Variants in SHISA9 observed in about 807,000 individuals in gnomAD.
SHISA9 encodes shisa family member 9, also known as protein shisa-9.
Under a neutral mutation model 38.0 loss-of-function variants are expected in SHISA9, and 13 were observed. The ratio of observed to expected loss-of-function variants is 0.34; its 90% confidence interval spans 0.22 to 0.54. The LOEUF (loss-of-function observed/expected upper bound fraction) is 0.54, where lower values mean the gene tolerates loss of function less well. Among genes scored for constraint, SHISA9 ranks in the 20% least tolerant of loss-of-function variants. The probability of loss-of-function intolerance (pLI) is 0.91; values close to 1 mark genes in which losing one functional copy is unlikely to be tolerated. For missense variants in SHISA9, 538 were observed against 575.8 expected (o/e 0.93, Z 0.67); for synonymous variants, 275 against 242.0 (o/e 1.14, Z -1.27).
intron 2 of SHISA9, among the ~76,000 whole-genome samples, chr16:13,124,882 T>C (rs2050243002): frequency 6.6e-6 from 1 of 152,110 alleles, no homozygotes; most frequent in Non-Finnish European, 1.5e-5. Context: ...GGCAGTCTCT[T>C]CAAAAAATAG....
the SHISA9 span, among the ~76,000 whole-genome samples, chr16:13,465,873 A>G: frequency 6.6e-6 from 1 of 152,262 alleles, no homozygotes; most frequent in South Asian, 2.1e-4. Context: ...ATTATAACAC[A>G]GGCAAATCCA....
At chr16:13,172,523 A>G (rs1388754245) in intron 2 of SHISA9, among the ~76,000 whole-genome samples, 3 of 152,100 alleles carry the variant, frequency 2.0e-5, no homozygotes, top group African/African-American at 4.8e-5. Flanking sequence ...GGTCTTGACT[A>G]TTTCCTCTCT....
At chr16:13,543,535 C>T in the SHISA9 span, among the ~76,000 whole-genome samples, 2 of 152,280 alleles carry the variant, frequency 1.3e-5, no homozygotes, top group Non-Finnish European at 2.9e-5. Flanking sequence ...TGGGATTTGA[C>T]CCCAGAGTCC....
At chr16:13,411,789 G>T in the SHISA9 span, among the ~76,000 whole-genome samples, 2 of 152,218 alleles carry the variant, frequency 1.3e-5, no homozygotes, top group African/African-American at 4.8e-5. Context: ...GGCTGCCTGT[G>T]TCTCCAAGAC....
chr16:13,409,068 G>C, the SHISA9 span, among the ~76,000 whole-genome samples: 1 of 152,306 alleles, frequency 6.6e-6, no homozygotes, highest in Non-Finnish European at 1.5e-5. Flanking sequence ...ACCAGATGAG[G>C]AGACAAGCAG....
intron 2 of SHISA9, among the ~76,000 whole-genome samples, chr16:13,142,533 C>T (rs1009202327): frequency 4.1e-4 from 62 of 152,236 alleles, no homozygotes; most frequent in Non-Finnish European, 8.5e-4. Flanking sequence ...ACTCAAACTC[C>T]AAGTCTTCAT....
the SHISA9 span, among the ~76,000 whole-genome samples, chr16:13,348,507 A>T: frequency 6.6e-6 from 1 of 151,866 alleles, no homozygotes; most frequent in East Asian, 2.0e-4. Context: ...CTGGTTGAGT[A>T]ATTTGCCTAA....
the SHISA9 span, among the ~76,000 whole-genome samples, chr16:13,463,338 C>T: frequency 2.0e-5 from 3 of 152,056 alleles, no homozygotes; most frequent in African/African-American, 7.2e-5. Context: ...ACCATGTGGG[C>T]AGGAGAGGCA....
chr16:13,516,797 C>CAA, the SHISA9 span, among the ~76,000 whole-genome samples: 1,337 of 144,120 alleles, frequency 9.3e-3, 14 homozygotes, highest in African/African-American at 0.023. Flanking sequence ...GATTCCATCC[C>CAA]AAAAAAAAAA....
intron 2 of SHISA9, among the ~76,000 whole-genome samples, chr16:13,000,573 G>T (rs1012208142): frequency 6.6e-6 from 1 of 152,130 alleles, no homozygotes; most frequent in African/African-American, 2.4e-5. Context: ...GGCTCCAATG[G>T]CCCCAAGGAC....
At chr16:12,991,539 TAAG>T (rs2072386008) in intron 2 of SHISA9, among the ~76,000 whole-genome samples, 1 of 152,146 alleles carries the variant, frequency 6.6e-6, no homozygotes, top group African/African-American at 2.4e-5. Context: ...AACAGAGAAC[TAAG>T]AAGTTCAAGC....
the SHISA9 span, among the ~76,000 whole-genome samples, chr16:13,462,360 T>TA: frequency 4.0e-5 from 6 of 151,818 alleles, no homozygotes; most frequent in Admixed American, 6.6e-5. Context: ...TGTATAAAGG[T>TA]AAAAAAAGTT....
chr16:12,938,478 G>A lies in SHISA9; in HGVS notation c.691+21663G>A, dbSNP rs188793362. ...GTCAGCTTACATTTATTGACTCCTA[G>A]GGGCTAATTCTCTCTCTCTCTCTCT... On this transcript the variant is annotated intron_variant, in intron 2 of 4. Transcript: ENST00000558583. Among the ~76,000 whole-genome samples, 13 of 152,068 alleles carry A rather than the reference G, an allele frequency of 8.5e-5. No homozygotes were observed. In the East Asian group the frequency reaches 2.5e-3, roughly 29 times the overall value.
intron 4 of SHISA9, among the ~76,000 whole-genome samples, chr16:13,218,171 G>C (rs2142070770): frequency 6.6e-6 from 1 of 152,252 alleles, no homozygotes; most frequent in South Asian, 2.1e-4. Flanking sequence ...GTCACAACAG[G>C]ACCAGGGTCC....
chr16:13,494,843 A>G, the SHISA9 span, among the ~76,000 whole-genome samples: 1 of 152,198 alleles, frequency 6.6e-6, no homozygotes, highest in Non-Finnish European at 1.5e-5. Context: ...ACGATAGCAA[A>G]AAACTGAGAA....
chr16:12,926,539 C>T (rs1164400699), intron 2 of SHISA9, among the ~76,000 whole-genome samples: 1 of 152,158 alleles, frequency 6.6e-6, no homozygotes, highest in Non-Finnish European at 1.5e-5. Flanking sequence ...AGGACATATC[C>T]TCTTGGAGCT....
At chr16:13,275,756 C>A in the SHISA9 span, among the ~76,000 whole-genome samples, 1 of 151,804 alleles carries the variant, frequency 6.6e-6, no homozygotes, top group East Asian at 1.9e-4. Flanking sequence ...AATTTAATTT[C>A]TTTACTAATA....
At chr16:13,033,201 A>G (rs1238560736) in intron 2 of SHISA9, among the ~76,000 whole-genome samples, 5 of 152,166 alleles carry the variant, frequency 3.3e-5, no homozygotes, top group Admixed American at 1.3e-4. Context: ...TGCAGTGCCC[A>G]TATTTGGTTA....
chr16:13,055,934 T>A (rs2073304849), intron 2 of SHISA9, among the ~76,000 whole-genome samples: 1 of 152,206 alleles, frequency 6.6e-6, no homozygotes, highest in Non-Finnish European at 1.5e-5. Flanking sequence ...CACAGGGAAG[T>A]TGCCAGCTAG....
Sources: gnomAD v4.1 joint callset for allele counts (sites outside exome capture counted in the v4.1 genomes callset) on GRCh38, gnomAD v4.1.1 for gene constraint, MANE v1.5 for transcripts, NCBI Gene and HGNC (gene_info 2026-07-23, HGNC 2026-07-21) for gene names.